The following TAF6 variants were observed in gnomAD, a reference collection of about 807,000 sequenced individuals.
The protein encoded by TAF6 is transcription initiation factor TFIID subunit 6.
TAF6 carries 50 observed loss-of-function variants against 73.5 expected under a neutral mutation model. That is an observed-to-expected ratio of 0.68 (90% CI 0.54 to 0.86). The LOEUF (loss-of-function observed/expected upper bound fraction) is 0.86, where lower values mean the gene tolerates loss of function less well. Among genes scored for constraint, TAF6 ranks in the 40% least tolerant of loss-of-function variants. TAF6 has a pLI of 0.00. For missense variants in TAF6, 768 were observed against 899.5 expected, an observed-to-expected ratio of 0.85 and a Z score of 1.87; for synonymous variants, 424 against 376.7, an observed-to-expected ratio of 1.13 and a Z score of -1.45.
At position 100,113,658 on chromosome 7, in the gene TAF6, T is replaced by G; in HGVS notation, c.355A>C (p.Asn119His). Residue 119 changes from asparagine to histidine, a missense_variant, in exon 4 of 15, where the codon AAT (asparagine) becomes CAT (histidine). Coordinates refer to ENST00000453269, the MANE Select transcript of TAF6 (RefSeq NM_139315.3). ...EKEVDLSDII[N>H]TPLPRVPLDV... ...AGGGGCACCCGGGGCAGAGGGGTAT[T>G]GATGATGTCGCTCAGATCAACCTCC... The G allele has an allele frequency of 6.2e-7, 1 of 1,613,920 alleles. No homozygotes were observed. Among genetic ancestry groups the G allele is most frequent in the Non-Finnish European group, 8.5e-7 (1 of 1,179,982 alleles).
intron 1 of TAF6, chr7:100,116,687 T>C (rs1797702921): frequency 6.6e-6 from 1 of 152,170 alleles, no homozygotes. Context: ...ATCCTTATAA[T>C]GTCCTACAAA....
upstream of TAF6, among the ~76,000 whole-genome samples, chr7:100,120,971 G>A (rs1798021752): frequency 6.6e-6 from 1 of 151,412 alleles, no homozygotes; most frequent in East Asian, 1.9e-4. Context: ...AATAACTGCA[G>A]GATAACAGTG....
intron 1 of TAF6, 153 bp from the exon 2 acceptor site, chr7:100,114,421 C>G (rs1163346956): frequency 6.3e-6 from 5 of 799,006 alleles, no homozygotes; most frequent in Non-Finnish European, 1.0e-5. Flanking sequence ...GAGAAAGATA[C>G]AAATCTGGGC....
At chr7:100,107,791 A>C in intron 14 of TAF6, 135 bp downstream of exon 14, 2 of 1,388,248 alleles carry the variant, frequency 1.4e-6, no homozygotes, top group East Asian at 2.4e-5. Flanking sequence ...ACAGCCCTGC[A>C]GGACCCTGGT....
In TAF6 at chr7:100,119,327, A is replaced by C. The variant is rs2116875244; in HGVS notation, c.-183T>G. 9 of 1,034,016 alleles carry C rather than the reference A, an allele frequency of 8.7e-6. No individual in the cohort carries two copies. Among genetic ancestry groups the C allele is most frequent in the Non-Finnish European group, 1.0e-5 (9 of 858,910 alleles). 64.1% of individuals were successfully genotyped at this position (1,034,016 alleles called of 1,614,324 possible). On this transcript the variant is annotated 5_prime_UTR_variant, in exon 1 of 15. The change abolishes the stop of an existing upstream ORF in the 5' untranslated region. Coordinates refer to ENST00000453269, the MANE Select transcript of TAF6 (RefSeq NM_139315.3). ...TCTAGCGGCAGCCGAGACGCTGCTC[A>C]CCCGGCGCTCGGCGCCATCTTGGCC...
chr7:100,116,084 C>T (rs927684675), intron 1 of TAF6, among the ~76,000 whole-genome samples: 3 of 152,192 alleles, frequency 2.0e-5, no homozygotes, highest in Non-Finnish European at 2.9e-5. Context: ...ACAATGTCAA[C>T]CGGAGTCTAC....
chr7:100,119,560 C>G (rs1797956130), upstream of TAF6: 1 of 1,415,846 alleles, frequency 7.1e-7, no homozygotes, highest in Non-Finnish European at 9.4e-7. Context: ...CAAGAGGCGC[C>G]ACAAAACGGA....
chr7:100,119,907 TC>T (rs1797979047), upstream of TAF6: 6 of 1,527,590 alleles, frequency 3.9e-6, no homozygotes, highest in East Asian at 1.4e-4. Flanking sequence ...CGGCCACACC[TC>T]CTTCTTCTAG....
chr7:100,118,039 CTG>C (rs1247613071), intron 1 of TAF6, among the ~76,000 whole-genome samples: 2 of 122,960 alleles, frequency 1.6e-5, no homozygotes, highest in Non-Finnish European at 3.3e-5. Flanking sequence ...GAGCCAGACT[CTG>C]TCTCAAAAAA....
In TAF6 at chr7:100,107,758, G is replaced by C. The variant is rs1371776026; in HGVS notation, c.1657-135C>G. On this transcript the variant is annotated intron_variant, in intron 14 of 14. Coordinates refer to ENST00000453269, the MANE Select transcript of TAF6 (RefSeq NM_139315.3). ...CACCCTGTAGACAGCTATGGCTGGA[G>C]ACCTTGTTCATGCAGGGCAGCTACA... The C allele has an allele frequency of 2.8e-6, 4 of 1,425,838 alleles. No individual in the cohort carries two copies. The East Asian group carries it at 9.7e-5, about 35-fold the overall frequency. 88.3% of individuals were successfully genotyped at this position (1,425,838 alleles called of 1,614,324 possible). A position where few individuals can be genotyped will look rare whatever the true frequency, so the allele number is the denominator to read the frequency against.
In TAF6 at chr7:100,107,368, G is replaced by C. The variant is rs200565542; in HGVS notation, c.1912C>G (p.Leu638Val). The change falls in exon 15 of 15, where the codon CTC (leucine) becomes GTC (valine). Residue 638 changes from leucine to valine, a missense_variant. Coordinates refer to ENST00000453269, the MANE Select transcript of TAF6 (RefSeq NM_139315.3). Reference protein sequence around the residue: ...VPPPASSPSPLSGSALCGGKQ... With the variant: ...VPPPASSPSPVSGSALCGGKQ... ...CCCCCACAAAGGGCACTGCCGCTGAGTGGGGACGGGGACGATGCCGGGGGA... is the reference window on the plus strand; with the variant it reads ...CCCCCACAAAGGGCACTGCCGCTGACTGGGGACGGGGACGATGCCGGGGGA... 3.0e-5 allele frequency: 48 copies of C among 1,580,064 alleles called. No homozygotes were observed. Among genetic ancestry groups the C allele is most frequent in the Non-Finnish European group, 4.1e-5 (48 of 1,160,074 alleles).
chr7:100,124,904 C>T, the TAF6 span: 1 of 1,568,950 alleles, frequency 6.4e-7, no homozygotes, highest in Non-Finnish European at 8.6e-7. Flanking sequence ...GCCTTTGAGC[C>T]CCCAGGAGGG....
upstream of TAF6, chr7:100,122,787 C>A: frequency 6.2e-7 from 1 of 1,612,880 alleles, no homozygotes; most frequent in South Asian, 1.1e-5. Flanking sequence ...CTCTCAGGGT[C>A]AGAGTCAGAC....
chr7:100,121,826 G>C (rs1434160320), upstream of TAF6, among the ~76,000 whole-genome samples: 1 of 151,866 alleles, frequency 6.6e-6, no homozygotes, highest in East Asian at 2.0e-4. Context: ...CAAGGCGGGC[G>C]GATCACAAGG....
intron 1 of TAF6, among the ~76,000 whole-genome samples, chr7:100,117,420 C>T (rs951571097): frequency 2.6e-5 from 4 of 151,594 alleles, no homozygotes; most frequent in African/African-American, 4.8e-5. Flanking sequence ...TACAGGCATG[C>T]GCCACCACAC....
chr7:100,107,413 A>G lies in TAF6; in HGVS notation c.1867T>C (p.Ser623Pro), dbSNP rs1180005339. The change falls in exon 15 of 15, where the codon TCC becomes CCC. Residue 623 changes from serine (S) to proline (P), a missense_variant. Ser to Pro is a moderately conservative substitution (Grantham distance 74). Transcript: ENST00000453269. ...PTGEGKGGPT[S>P]HPSPVPPPAS... ...GGGGGAGGAACTGGAGAAGGATGGG[A>G]GGTGGGGCCTCCTTTGCCCTCCCCT... 6.2e-7 allele frequency: 1 copy of G among 1,607,338 alleles called. No individual in the cohort carries two copies. The highest frequency in any genetic ancestry group is 8.5e-7 in the Non-Finnish European group (1 of 1,175,642).
upstream of TAF6, among the ~76,000 whole-genome samples, chr7:100,123,617 T>C (rs1584589018): frequency 6.6e-6 from 1 of 151,314 alleles, no homozygotes; most frequent in African/African-American, 2.4e-5. Flanking sequence ...GCCTCCCGGG[T>C]TCAAGCCATT....
chr7:100,107,697 A>C (rs4134927), intron 14 of TAF6, 74 bp from the exon 15 acceptor site: 67,367 of 1,561,990 alleles, frequency 0.043, 1,519 homozygotes, highest in Middle Eastern at 0.056. Context: ...AGGACGCTTC[A>C]CTCGCTCCCT....
At chr7:100,123,137 T>C (rs904144175), upstream of TAF6, among the ~76,000 whole-genome samples, 2 of 151,932 alleles carry the variant, frequency 1.3e-5, no homozygotes, top group Non-Finnish European at 2.9e-5. Context: ...AGGTCATAAG[T>C]TCGAGACCAG....
Sources: allele counts gnomAD v4.1 joint callset (sites outside exome capture counted in the v4.1 genomes callset), GRCh38; gene constraint gnomAD v4.1.1; transcripts MANE v1.5; gene names NCBI Gene and HGNC (gene_info 2026-07-23, HGNC 2026-07-21).